The following GRAMD1B variants were observed in gnomAD, a reference collection of about 807,000 sequenced individuals.
GRAMD1B encodes protein Aster-B.
GRAMD1B carries 37 observed loss-of-function variants against 99.7 expected under a neutral mutation model. The observed-to-expected ratio is 0.37, with a 90% CI of 0.29 to 0.49. The LOEUF is 0.49. Ranked by LOEUF, GRAMD1B falls within the 20% of genes least tolerant of loss-of-function variation. GRAMD1B has a pLI of 0.98. For synonymous variants in GRAMD1B, 427 were observed against 387.6 expected, an observed-to-expected ratio of 1.10 and a Z score of -1.19; for missense variants, 888 against 1,009.2, an observed-to-expected ratio of 0.88 and a Z score of 1.63.
intron 6 of GRAMD1B, 51 bp downstream of exon 6, chr11:123,594,889 C>G (rs1025704018): frequency 1.1e-5 from 10 of 921,186 alleles, no homozygotes; most frequent in Middle Eastern, 2.1e-4. Context: ...TATGGCTGAG[C>G]AAGCTGCCCT....
At chr11:123,569,367 G>A (rs1380421233) in intron 2 of GRAMD1B, among the ~76,000 whole-genome samples, 1 of 152,178 alleles carries the variant, frequency 6.6e-6, no homozygotes, top group Non-Finnish European at 1.5e-5. Context: ...TGGGGGCCCT[G>A]CTGGTATTTG....
chr11:123,410,037 T>C (rs1306286544), intron 1 of GRAMD1B, among the ~76,000 whole-genome samples: 1 of 152,128 alleles, frequency 6.6e-6, no homozygotes, highest in Non-Finnish European at 1.5e-5. Flanking sequence ...CCTTGTGCCT[T>C]TCCCTTTCTG....
intron 1 of GRAMD1B, 79 bp from the exon 2 acceptor site, chr11:123,480,736 CT>C (rs1951550251): frequency 5.0e-6 from 2 of 398,238 alleles, no homozygotes; most frequent in East Asian, 7.1e-5. Flanking sequence ...ATGTCTTTGT[CT>C]AGTTGAAGTC....
chr11:123,618,830 C>T (rs987843616), intron 18 of GRAMD1B, 30 bp downstream of exon 18: 3 of 1,081,196 alleles, frequency 2.8e-6, no homozygotes, highest in Non-Finnish European at 4.2e-6. Flanking sequence ...CTCACCTCCA[C>T]CTTCATCCCA....
intron 1 of GRAMD1B, among the ~76,000 whole-genome samples, chr11:123,362,336 A>C (rs901734293): frequency 2.6e-5 from 4 of 152,192 alleles, no homozygotes; most frequent in Non-Finnish European, 5.9e-5. Flanking sequence ...GACCTTTTTG[A>C]GATCCTAATG....
chr11:123,422,443 C>T (rs1031597147), intron 1 of GRAMD1B, among the ~76,000 whole-genome samples: 1 of 152,238 alleles, frequency 6.6e-6, no homozygotes, highest in African/African-American at 2.4e-5. Flanking sequence ...ATCCTCCATA[C>T]AGCCTAGTCG....
At chr11:123,366,838 T>C (rs1384724126) in intron 1 of GRAMD1B, among the ~76,000 whole-genome samples, 1 of 152,248 alleles carries the variant, frequency 6.6e-6, no homozygotes, top group African/African-American at 2.4e-5. Context: ...TCCAATATTA[T>C]TCTGTTCTTG....
chr11:123,547,186 T>C (rs1163216784), intron 2 of GRAMD1B, among the ~76,000 whole-genome samples: 1 of 152,182 alleles, frequency 6.6e-6, no homozygotes, highest in Admixed American at 6.5e-5. Context: ...TTTGGAGATC[T>C]GTGAGTCTAT....
At chr11:123,569,433 C>T (rs1245659308) in intron 2 of GRAMD1B, among the ~76,000 whole-genome samples, 1 of 152,184 alleles carries the variant, frequency 6.6e-6, no homozygotes, top group Non-Finnish European at 1.5e-5. Context: ...GCCCTTCCCA[C>T]CTGCCGTGAC....
chr11:123,419,160 G>C (rs1000371136), intron 1 of GRAMD1B, among the ~76,000 whole-genome samples: 20 of 152,198 alleles, frequency 1.3e-4, no homozygotes, highest in Non-Finnish European at 2.6e-4. Flanking sequence ...TGAAGAGCAA[G>C]AGCAGACAGA....
At chr11:123,550,976 G>C (rs1945547981) in intron 2 of GRAMD1B, among the ~76,000 whole-genome samples, 1 of 152,192 alleles carries the variant, frequency 6.6e-6, no homozygotes. Flanking sequence ...CAGTTGGAAA[G>C]GGACTCTACA....
chr11:123,418,046 T>C (rs1442656303), intron 1 of GRAMD1B, among the ~76,000 whole-genome samples: 1 of 152,202 alleles, frequency 6.6e-6, no homozygotes, highest in African/African-American at 2.4e-5. Context: ...ATTATAGGAA[T>C]GAACCACTAT....
chr11:123,603,094 T>A (rs1952193030), intron 8 of GRAMD1B, among the ~76,000 whole-genome samples: 1 of 152,244 alleles, frequency 6.6e-6, no homozygotes, highest in African/African-American at 2.4e-5. Context: ...CATGGGTTTA[T>A]GCCACTCAGT....
intron 1 of GRAMD1B, among the ~76,000 whole-genome samples, chr11:123,400,465 G>A (rs1947621817): frequency 6.6e-6 from 1 of 152,136 alleles, no homozygotes. Flanking sequence ...CAACAAGAGC[G>A]AAACTCTGTC....
chr11:123,359,443 G>A (rs569773862), intron 1 of GRAMD1B, among the ~76,000 whole-genome samples: 2 of 152,194 alleles, frequency 1.3e-5, no homozygotes, highest in African/African-American at 4.8e-5. Context: ...TGGAGTAGAT[G>A]AAGGAATGAG....
At chr11:123,453,802 GTTTTA>G (rs1406041337) in intron 1 of GRAMD1B, among the ~76,000 whole-genome samples, 2 of 152,198 alleles carry the variant, frequency 1.3e-5, no homozygotes, top group African/African-American at 4.8e-5. Context: ...GATCTTGCCT[GTTTTA>G]TTATAGGGGA....
At position 123,598,183 on chromosome 11, in the gene GRAMD1B, C is replaced by T. The variant is rs117908607; in HGVS notation, c.969+2146C>T. On this transcript the variant is annotated intron_variant, in intron 7 of 19. Transcript: ENST00000635736. ...AGCATGATGCCATTCAGCAAAGTGC[C>T]GCTGGAAGGCTTTGGGTCCTCGGTA... The T allele has an allele frequency of 2.0e-3, 2,956 of 1,500,822 alleles. 27 individuals are homozygous for T. The highest frequency in any genetic ancestry group is 0.019 in the Admixed American group (1,162 of 59,804). The allele number at this position is 1,500,822 out of a possible 1,614,324, so 93.0% of individuals were successfully genotyped here.
intron 1 of GRAMD1B, among the ~76,000 whole-genome samples, chr11:123,450,519 A>G (rs559969892): frequency 6.6e-6 from 1 of 152,216 alleles, no homozygotes; most frequent in African/African-American, 2.4e-5. Flanking sequence ...GCAAATTATC[A>G]GTGCAATATT....
At chr11:123,365,053 G>C (rs1039369502) in intron 1 of GRAMD1B, among the ~76,000 whole-genome samples, 2 of 151,970 alleles carry the variant, frequency 1.3e-5, no homozygotes, top group Admixed American at 6.6e-5. Flanking sequence ...GCGCTATTCT[G>C]TTGTTTTATT....
Sources: gnomAD v4.1 joint callset for allele counts (sites outside exome capture counted in the v4.1 genomes callset) on GRCh38, gnomAD v4.1.1 for gene constraint, MANE v1.5 for transcripts, NCBI Gene and HGNC (gene_info 2026-07-23, HGNC 2026-07-21) for gene names.